The following SMC6 variants were observed in gnomAD, a reference collection of about 807,000 sequenced individuals.
SMC6 encodes structural maintenance of chromosomes 6.
SMC6 carries 79 observed loss-of-function variants against 142.2 expected under a neutral mutation model. The ratio of observed to expected loss-of-function variants is 0.56; its 90% confidence interval spans 0.46 to 0.67. SMC6 has a LOEUF of 0.67. Ranked by LOEUF, SMC6 falls within the 30% of genes least tolerant of loss-of-function variation. SMC6 has a pLI of 0.00. For missense variants in SMC6, 1,072 were observed against 1,284.0 expected (o/e 0.83, Z 2.52); for synonymous variants, 411 against 412.4 (o/e 1.00, Z 0.04).
In SMC6 at chr2:17,749,559, G is replaced by A. The variant is rs942079349; in HGVS notation, c.-6+3419C>T. On this transcript the variant is annotated intron_variant, in intron 2 of 27. Coordinates refer to ENST00000448223, the MANE Select transcript of SMC6 (RefSeq NM_001142286.2). ...AAAAATTAGTCAGGCGTGGTGGCGC[G>A]CGCCTATAGTCCCAGCTACTCAGGA... Among the ~76,000 whole-genome samples, 37 of 152,172 alleles carry A rather than the reference G, an allele frequency of 2.4e-4. 1 individual carries two copies. The highest frequency in any genetic ancestry group is 7.0e-4 in the African/African-American group (29 of 41,532).
At position 17,665,406 on chromosome 2, in the gene SMC6, C is replaced by A; in HGVS notation, c.*93G>T. 2 of 616,856 alleles carry A rather than the reference C, an allele frequency of 3.2e-6. No homozygotes were observed. The highest frequency in any genetic ancestry group is 5.2e-6 in the Non-Finnish European group (2 of 385,986). The allele number at this position is 616,856 out of a possible 1,614,324, so 38.2% of individuals were successfully genotyped here. ...AAGGAGTTTCTTTCATTTCAGAATG[C>A]CTCCAGTCTCATTTTATTATATCAA... On this transcript the variant is annotated 3_prime_UTR_variant, in exon 28 of 28. Transcript: ENST00000448223.
intron 25 of SMC6, among the ~76,000 whole-genome samples, chr2:17,676,707 G>A (rs1667008677): frequency 6.6e-6 from 1 of 151,992 alleles, no homozygotes; most frequent in Admixed American, 6.6e-5. Context: ...ACTTATTTAG[G>A]TCTTCTTTAG....
chr2:17,671,527 T>C (rs1211299258), intron 25 of SMC6, among the ~76,000 whole-genome samples: 1 of 147,544 alleles, frequency 6.8e-6, no homozygotes, highest in African/African-American at 2.5e-5. Context: ...GAGGATTGCT[T>C]GAGCCTGGGA....
chr2:17,739,877 TAAACACAC>T (rs1670351839), intron 4 of SMC6, among the ~76,000 whole-genome samples: 1 of 37,378 alleles, frequency 2.7e-5, no homozygotes, highest in Non-Finnish European at 4.9e-5. Flanking sequence ...GAGAATATGG[TAAACACAC>T]ACACACACAC....
chr2:17,671,645 TTG>T (rs1666770390), intron 25 of SMC6, among the ~76,000 whole-genome samples: 1 of 151,128 alleles, frequency 6.6e-6, no homozygotes, highest in South Asian at 2.1e-4. Context: ...TTCTTTTGTA[TTG>T]TATTTATTTT....
chr2:17,674,526 C>T (rs1404769117), intron 25 of SMC6, among the ~76,000 whole-genome samples: 2 of 152,096 alleles, frequency 1.3e-5, no homozygotes, highest in African/African-American at 4.8e-5. Flanking sequence ...GGTAGTTTGG[C>T]ACAATGTTCT....
chr2:17,671,685 T>C (rs1401801638), intron 25 of SMC6, among the ~76,000 whole-genome samples: 1 of 151,438 alleles, frequency 6.6e-6, no homozygotes, highest in Non-Finnish European at 1.5e-5. Context: ...TTTTAAAATT[T>C]AAATAATTTT....
At chr2:17,751,005 CAAAAA>C (rs34661130) in intron 2 of SMC6, among the ~76,000 whole-genome samples, 8 of 53,786 alleles carry the variant, frequency 1.5e-4, no homozygotes, top group Admixed American at 5.5e-4. Flanking sequence ...ACAGCTGTCT[CAAAAA>C]AAAAAAAAAA....
At chr2:17,692,834 A>G (rs1667796220) in intron 23 of SMC6, among the ~76,000 whole-genome samples, 1 of 152,232 alleles carries the variant, frequency 6.6e-6, no homozygotes, top group Non-Finnish European at 1.5e-5. Flanking sequence ...TCCAGAATCT[A>G]CAATGAACTC....
intron 23 of SMC6, among the ~76,000 whole-genome samples, chr2:17,690,677 T>G (rs1417433288): frequency 6.6e-6 from 1 of 151,966 alleles, no homozygotes; most frequent in Non-Finnish European, 1.5e-5. Flanking sequence ...TTTTAAAATC[T>G]GCATAATGTA....
chr2:17,681,103 A>G (rs1302274015), intron 24 of SMC6: 2 of 152,240 alleles, frequency 1.3e-5, no homozygotes, highest in Non-Finnish European at 2.9e-5. Flanking sequence ...TTCACCTTGC[A>G]CTTTTATATT....
At chr2:17,689,849 T>G (rs1462661570) in intron 23 of SMC6, among the ~76,000 whole-genome samples, 1 of 152,248 alleles carries the variant, frequency 6.6e-6, no homozygotes, top group Non-Finnish European at 1.5e-5. Context: ...TTAAAAAATT[T>G]GTATTAGTTT....
At chr2:17,700,880 T>G (rs1270042765) in intron 20 of SMC6, among the ~76,000 whole-genome samples, 1 of 151,714 alleles carries the variant, frequency 6.6e-6, no homozygotes, top group African/African-American at 2.4e-5. Context: ...AAATAAAAAA[T>G]TAGCCGGGTG....
At chr2:17,679,298 T>G (rs1667137782) in intron 24 of SMC6, 1 of 176,772 alleles carries the variant, frequency 5.7e-6, no homozygotes. Flanking sequence ...TCTAAGGCAT[T>G]ACCCTAATAC....
At chr2:17,665,735 A>G (rs1214747028) in intron 27 of SMC6, 122 bp from the exon 28 acceptor site, 14 of 493,192 alleles carry the variant, frequency 2.8e-5, no homozygotes, top group Non-Finnish European at 5.0e-5. Context: ...GGATATATCT[A>G]ATATCTAGAG....
intron 23 of SMC6, among the ~76,000 whole-genome samples, chr2:17,686,620 A>G (rs1667467206): frequency 6.6e-6 from 1 of 152,190 alleles, no homozygotes; most frequent in South Asian, 2.1e-4. Context: ...TACACAATGC[A>G]GTTTATTTAT....
chr2:17,679,998 G>A (rs533194549), intron 24 of SMC6: 1 of 152,232 alleles, frequency 6.6e-6, no homozygotes, highest in African/African-American at 2.4e-5. Flanking sequence ...GATAGCCTGA[G>A]TTTCCTTCTG....
In SMC6 at chr2:17,746,599, A is replaced by AT. The variant is rs202030310; in HGVS notation, c.-5-649_-5-648insA. On this transcript the variant is annotated intron_variant, in intron 2 of 27. Coordinates refer to ENST00000448223, the MANE Select transcript of SMC6 (RefSeq NM_001142286.2). ...TTTCCTTTAACTCTTCCCTAAAAAA[A>AT]AAGTCCAGGTTGATTGTCTATTTTT... 7.8e-3 allele frequency among the ~76,000 whole-genome samples: 1,181 copies of AT among 152,186 alleles called. 15 individuals are homozygous for AT. The highest frequency in any genetic ancestry group is 0.027 in the African/African-American group (1,114 of 41,432).
intron 18 of SMC6, among the ~76,000 whole-genome samples, chr2:17,704,476 C>A (rs1572294796): frequency 6.6e-6 from 1 of 152,140 alleles, no homozygotes; most frequent in Non-Finnish European, 1.5e-5. Context: ...CAGAACTGAT[C>A]TTTTCCTCAC....
Sources: allele counts gnomAD v4.1 joint callset (sites outside exome capture counted in the v4.1 genomes callset), GRCh38; gene constraint gnomAD v4.1.1; transcripts MANE v1.5; gene names NCBI Gene and HGNC (gene_info 2026-07-23, HGNC 2026-07-21).